Variants in FBLN7 observed in about 807,000 individuals in gnomAD.
The protein encoded by FBLN7 is fibulin-7.
A neutral mutation model predicts 44.0 loss-of-function variants in FBLN7; 31 were observed. The ratio of observed to expected loss-of-function variants is 0.70; its 90% CI spans 0.53 to 0.95. FBLN7 has a LOEUF of 0.95. Among genes scored for constraint, FBLN7 ranks in the 40% least tolerant of loss-of-function variants. FBLN7 has a pLI of 0.00. For missense variants in FBLN7, 573 were observed against 618.5 expected, an observed-to-expected ratio of 0.93 and a Z score of 0.78; for synonymous variants, 262 against 253.4, an observed-to-expected ratio of 1.03 and a Z score of -0.32.
intron 2 of FBLN7, among the ~76,000 whole-genome samples, chr2:112,164,270 G>A (rs1379207971): frequency 1.3e-5 from 2 of 152,194 alleles, no homozygotes; most frequent in African/African-American, 2.4e-5. Context: ...ATTTGTTCAA[G>A]AATGATTTAT....
the FBLN7 span, among the ~76,000 whole-genome samples, chr2:112,224,043 G>A: frequency 2.0e-5 from 3 of 152,092 alleles, no homozygotes; most frequent in African/African-American, 7.2e-5. Context: ...GGAGGCTGAG[G>A]CAGGAGAATC....
At position 112,162,825 on chromosome 2, in the gene FBLN7, C is replaced by T. The variant is rs372535348; in HGVS notation, c.236-2176C>T. Among the ~76,000 whole-genome samples the T allele has an allele frequency of 5.3e-5, 8 of 152,094 alleles. No individual in the cohort carries two copies. The East Asian group carries it at 9.7e-4, about 18-fold the overall frequency. On this transcript the variant is annotated intron_variant, in intron 2 of 7. Coordinates refer to ENST00000331203, the MANE Select transcript of FBLN7 (RefSeq NM_153214.3). ...TGAGTTGCAGGTAGTTTTCTTTTGT[C>T]GAGGTTTTTAAAGATTTTTCATCCC... is the stretch of plus-strand genomic sequence containing the variant.
chr2:112,161,693 C>T (rs922410004), intron 2 of FBLN7, among the ~76,000 whole-genome samples: 1 of 152,044 alleles, frequency 6.6e-6, no homozygotes, highest in Non-Finnish European at 1.5e-5. Flanking sequence ...TGAGAGGGCC[C>T]TGCCCGCTAG....
At chr2:112,162,317 C>T (rs62158713) in intron 2 of FBLN7, among the ~76,000 whole-genome samples, 27 of 146,832 alleles carry the variant, frequency 1.8e-4, no homozygotes, top group African/African-American at 6.6e-4. Flanking sequence ...GCCTGTTTTG[C>T]CTTTTTTTTT....
At chr2:112,171,662 C>G (rs1682468039) in intron 3 of FBLN7, among the ~76,000 whole-genome samples, 1 of 152,192 alleles carries the variant, frequency 6.6e-6, no homozygotes, top group African/African-American at 2.4e-5. Flanking sequence ...AGCACATACA[C>G]ATACATCCAA....
intron 3 of FBLN7, among the ~76,000 whole-genome samples, chr2:112,168,555 T>C (rs933683984): frequency 6.6e-6 from 1 of 152,182 alleles, no homozygotes; most frequent in Non-Finnish European, 1.5e-5. Context: ...ATGGTTGTTG[T>C]CTCCAGCAAG....
chr2:112,138,558 C>G lies in FBLN7; in HGVS notation c.-98C>G. The G allele has an allele frequency of 6.3e-7, 1 of 1,590,206 alleles. No individual in the cohort carries two copies. Among genetic ancestry groups the G allele is most frequent in the Non-Finnish European group, 8.6e-7 (1 of 1,167,168 alleles). ...AGCCGCCCCCCGGCCGCGCGGCGCC[C>G]CGCACCCTGCAGGGACGGCTGCCGC... On this transcript the variant is annotated 5_prime_UTR_variant, in exon 1 of 8. Coordinates refer to ENST00000331203, the MANE Select transcript of FBLN7 (RefSeq NM_153214.3).
chr2:112,216,385 C>T, the FBLN7 span: 2 of 152,456 alleles, frequency 1.3e-5, no homozygotes, highest in African/African-American at 4.8e-5. Context: ...AATGAGGAAT[C>T]TTGTAAACTA....
At position 112,164,986 on chromosome 2, in the gene FBLN7, C is replaced by T. The variant is rs777583268; in HGVS notation, c.236-15C>T. 15 of 1,611,990 alleles carry T rather than the reference C, an allele frequency of 9.3e-6. No homozygotes were observed. In the African/African-American group the frequency reaches 2.0e-4, roughly 22 times the overall value. ...CAGGATGAGGAGCTCGTAATCCTTC[C>T]ATCTCTCCTTACAGTTTCCTGCCCG... On this transcript the variant is annotated splice_polypyrimidine_tract_variant and intron_variant, in intron 2 of 7. Transcript: ENST00000331203.
intron 4 of FBLN7, chr2:112,177,106 TTG>T (rs968856310): frequency 1.3e-5 from 2 of 152,182 alleles, no homozygotes; most frequent in African/African-American, 4.8e-5. Context: ...TGCCTAATAT[TTG>T]TATTTTTAGT....
the FBLN7 span, among the ~76,000 whole-genome samples, chr2:112,205,845 T>C: frequency 6.6e-6 from 1 of 152,218 alleles, no homozygotes; most frequent in Non-Finnish European, 1.5e-5. Flanking sequence ...AGCTTGTCTA[T>C]ACGTACAAAA....
the FBLN7 span, among the ~76,000 whole-genome samples, chr2:112,197,097 G>A: frequency 1.3e-4 from 20 of 152,198 alleles, no homozygotes; most frequent in African/African-American, 4.6e-4. Flanking sequence ...ATGAGATTTG[G>A]ATGGGGACAC....
chr2:112,140,342 CCTT>C (rs143130317), intron 1 of FBLN7, among the ~76,000 whole-genome samples: 2,812 of 152,174 alleles, frequency 0.018, 97 homozygotes, highest in African/African-American at 0.065. Flanking sequence ...CAGCATCCCT[CCTT>C]CCTCTCTCCC....
In FBLN7 at chr2:112,159,781, C is replaced by T. The variant is rs766578999; in HGVS notation, c.181C>T (p.Arg61Trp). Residue 61 changes from arginine to tryptophan, a missense_variant, in exon 2 of 8, where the codon CGG becomes TGG. Transcript: ENST00000331203. ...CGAGGGCATCCGCCACATGAAGAGC[C>T]GGCTGGCCGCGCTGCAGAACTCTGT... ...FAEGIRHMKSRLAALQNSVGR... is the reference protein window; with the variant it reads ...FAEGIRHMKSWLAALQNSVGR... The T allele has an allele frequency of 6.4e-5, 102 of 1,599,112 alleles. No homozygotes were observed. Among genetic ancestry groups the T allele is most frequent in the Admixed American group, 6.9e-5 (4 of 57,626 alleles).
At chr2:112,211,974 T>C in the FBLN7 span, 2 of 152,174 alleles carry the variant, frequency 1.3e-5, no homozygotes, top group African/African-American at 4.8e-5. Context: ...AAAATAGCCC[T>C]CCCCATCTTA....
At chr2:112,240,995 ATG>A in the FBLN7 span, among the ~76,000 whole-genome samples, 5 of 126,332 alleles carry the variant, frequency 4.0e-5, no homozygotes, top group Admixed American at 8.0e-5. Context: ...GCGCGTGTGT[ATG>A]TGTGTTGTGT....
intron 1 of FBLN7, among the ~76,000 whole-genome samples, chr2:112,157,232 T>G (rs1681477626): frequency 6.6e-6 from 1 of 151,918 alleles, no homozygotes; most frequent in African/African-American, 2.4e-5. Context: ...TAGCGGGGCA[T>G]GGCGGTGGGC....
chr2:112,201,777 T>A, the FBLN7 span, among the ~76,000 whole-genome samples: 1 of 152,246 alleles, frequency 6.6e-6, no homozygotes, highest in African/African-American at 2.4e-5. Flanking sequence ...TGGACTGAAA[T>A]GACTGTTTTA....
rs1683225943 is a variant in FBLN7, at chr2:112,185,471, G to A, written c.947+132G>A. 4 of 1,261,618 alleles carry A rather than the reference G, an allele frequency of 3.2e-6. No homozygotes were observed. The South Asian group carries it at 4.8e-5, about 15-fold the overall frequency. 78.2% of individuals were successfully genotyped at this position (1,261,618 alleles called of 1,614,324 possible). On this transcript the variant is annotated intron_variant, in intron 7 of 7. Coordinates refer to ENST00000331203, the MANE Select transcript of FBLN7 (RefSeq NM_153214.3). ...ATGAGAGGCAGGAGGCTGGGAGGCT[G>A]GTGTCTCTGAATTTCCATTTCCGCT...
Sources: allele counts gnomAD v4.1 joint callset (sites outside exome capture counted in the v4.1 genomes callset), GRCh38; gene constraint gnomAD v4.1.1; transcripts MANE v1.5; gene names NCBI Gene and HGNC (gene_info 2026-07-23, HGNC 2026-07-21).